MAGI3: variants seen among roughly 807,000 people sequenced by gnomAD.
The protein encoded by MAGI3 is membrane associated guanylate kinase, WW and PDZ domain containing 3, also known as membrane-associated guanylate kinase, WW and PDZ domain-containing protein 3.
A neutral mutation model predicts 121.8 loss-of-function variants in MAGI3; 43 were observed. The ratio of observed to expected loss-of-function variants is 0.35; its 90% CI spans 0.28 to 0.46. MAGI3 has a LOEUF of 0.46. MAGI3 is among the 20% of genes least tolerant of loss of function. MAGI3 has a pLI of 1.00. For synonymous variants in MAGI3, 553 were observed against 639.3 expected (o/e 0.86, Z 2.04); for missense variants, 1,547 against 1,797.3 (o/e 0.86, Z 2.52).
intron 1 of MAGI3, among the ~76,000 whole-genome samples, chr1:113,530,562 A>G (rs536961908): frequency 5.1e-4 from 77 of 152,104 alleles, no homozygotes; most frequent in Non-Finnish European, 9.1e-4. Flanking sequence ...GCACTTATAT[A>G]ACAATACTGC....
intron 1 of MAGI3, among the ~76,000 whole-genome samples, chr1:113,468,768 CTATTT>C (rs1281973396): frequency 1.3e-5 from 2 of 151,880 alleles, no homozygotes; most frequent in African/African-American, 2.4e-5. Context: ...ATAATTTCAC[CTATTT>C]TATTTTATAT....
At chr1:113,637,023 C>G (rs1323500994) in intron 9 of MAGI3, among the ~76,000 whole-genome samples, 4 of 152,090 alleles carry the variant, frequency 2.6e-5, no homozygotes, top group Non-Finnish European at 5.9e-5. Context: ...GGTTTAAAGT[C>G]TGTTTTATCA....
chr1:113,513,888 G>T (rs1657747919), intron 1 of MAGI3, among the ~76,000 whole-genome samples: 1 of 151,966 alleles, frequency 6.6e-6, no homozygotes, highest in Non-Finnish European at 1.5e-5. Flanking sequence ...ATCTGACAAA[G>T]GGCTAATATC....
intron 7 of MAGI3, among the ~76,000 whole-genome samples, chr1:113,619,214 A>G (rs1190654631): frequency 1.3e-5 from 2 of 152,194 alleles, no homozygotes; most frequent in East Asian, 1.9e-4. Context: ...GAGTTATTCT[A>G]TACTATAGTT....
chr1:113,679,265 C>T lies in MAGI3; in HGVS notation c.3190-1933C>T, dbSNP rs952891885. Reference sequence around the variant, plus strand: ...CCTTGACCCTCTCCTTCCCTCCCCCCATCTTGTATTCCCGTGTCTGTTGTT... The same window carrying T: ...CCTTGACCCTCTCCTTCCCTCCCCCTATCTTGTATTCCCGTGTCTGTTGTT... On this transcript the variant is annotated intron_variant, in intron 19 of 20. Coordinates refer to ENST00000307546, the MANE Select transcript of MAGI3 (RefSeq NM_001142782.2). 2.0e-5 allele frequency among the ~76,000 whole-genome samples: 3 copies of T among 152,076 alleles called. No homozygotes were observed. In the South Asian group the frequency reaches 6.2e-4, roughly 32 times the overall value.
intron 1 of MAGI3, among the ~76,000 whole-genome samples, chr1:113,521,727 G>C (rs1239589765): frequency 6.6e-6 from 1 of 152,106 alleles, no homozygotes; most frequent in East Asian, 1.9e-4. Context: ...TATTCTTAAT[G>C]TCCAGTACTT....
At chr1:113,441,392 G>C (rs1653904595) in intron 1 of MAGI3, among the ~76,000 whole-genome samples, 1 of 152,154 alleles carries the variant, frequency 6.6e-6, no homozygotes, top group African/African-American at 2.4e-5. Context: ...TGCGTTGCCA[G>C]TGATTGGGAG....
At chr1:113,526,525 G>A (rs1280778773) in intron 1 of MAGI3, among the ~76,000 whole-genome samples, 1 of 152,216 alleles carries the variant, frequency 6.6e-6, no homozygotes, top group African/African-American at 2.4e-5. Context: ...ATGCAGTATG[G>A]AGAAGGAACT....
chr1:113,519,334 AACTACTG>A (rs1475574696), intron 1 of MAGI3, among the ~76,000 whole-genome samples: 1 of 152,188 alleles, frequency 6.6e-6, no homozygotes. Context: ...AGTCTATAGT[AACTACTG>A]GATAGAAGTA....
intron 9 of MAGI3, among the ~76,000 whole-genome samples, chr1:113,633,405 G>A (rs1651790673): frequency 6.7e-6 from 1 of 150,298 alleles, no homozygotes; most frequent in South Asian, 2.1e-4. Flanking sequence ...GGGACTACAG[G>A]CGCCTGCCAC....
At chr1:113,493,956 G>A (rs926083451) in intron 1 of MAGI3, among the ~76,000 whole-genome samples, 5 of 152,152 alleles carry the variant, frequency 3.3e-5, no homozygotes, top group African/African-American at 9.7e-5. Flanking sequence ...TGTGGGAGAC[G>A]ATGTGGCAAT....
chr1:113,473,037 A>T (rs1655619425), intron 1 of MAGI3, among the ~76,000 whole-genome samples: 1 of 152,216 alleles, frequency 6.6e-6, no homozygotes, highest in African/African-American at 2.4e-5. Context: ...AATTTATAGT[A>T]ACTTTTTAAA....
At chr1:113,473,605 T>C (rs1014690343) in intron 1 of MAGI3, among the ~76,000 whole-genome samples, 22 of 152,342 alleles carry the variant, frequency 1.4e-4, no homozygotes, top group Middle Eastern at 3.4e-3. Flanking sequence ...TCATCCTTTT[T>C]TTATGACTGC....
At chr1:113,556,105 C>T (rs1227785708) in intron 2 of MAGI3, among the ~76,000 whole-genome samples, 2 of 151,822 alleles carry the variant, frequency 1.3e-5, no homozygotes, top group African/African-American at 4.8e-5. Flanking sequence ...GTATTAAATA[C>T]TTATATTAGA....
intron 9 of MAGI3, among the ~76,000 whole-genome samples, chr1:113,636,676 G>A (rs1395668120): frequency 1.3e-5 from 2 of 152,094 alleles, no homozygotes; most frequent in Non-Finnish European, 2.9e-5. Context: ...AATAGGTGTG[G>A]TGTGGTGCTG....
chr1:113,406,291 A>G (rs1651676823), intron 1 of MAGI3, among the ~76,000 whole-genome samples: 1 of 150,892 alleles, frequency 6.6e-6, no homozygotes, highest in African/African-American at 2.4e-5. Flanking sequence ...AAAAAAAAAA[A>G]AAAAAAATTA....
chr1:113,476,607 TC>T (rs1312954463), intron 1 of MAGI3, among the ~76,000 whole-genome samples: 1 of 152,216 alleles, frequency 6.6e-6, no homozygotes, highest in Non-Finnish European at 1.5e-5. Context: ...TGATTTCTGT[TC>T]TTTTACATTT....
chr1:113,623,844 C>T (rs916571493), intron 9 of MAGI3, among the ~76,000 whole-genome samples: 1 of 152,074 alleles, frequency 6.6e-6, no homozygotes, highest in African/African-American at 2.4e-5. Context: ...CTCTCACCGC[C>T]CCACCAACCC....
intron 1 of MAGI3, among the ~76,000 whole-genome samples, chr1:113,418,439 T>C (rs6688796): frequency 0.79 from 119,997 of 152,052 alleles, 47,809 homozygotes; most frequent in African/African-American, 0.91. Flanking sequence ...ATCTTCTTCT[T>C]TTCCATTTCT....
Sources: allele counts gnomAD v4.1 joint callset (sites outside exome capture counted in the v4.1 genomes callset), GRCh38; gene constraint gnomAD v4.1.1; transcripts MANE v1.5; gene names NCBI Gene and HGNC (gene_info 2026-07-23, HGNC 2026-07-21).